MOV10: variants seen among roughly 807,000 people sequenced by gnomAD.
MOV10 encodes the protein Mov10 RNA helicase.
MOV10 carries 39 observed loss-of-function variants against 108.4 expected under a neutral mutation model. The observed-to-expected ratio is 0.36, with a 90% CI of 0.28 to 0.47. The LOEUF is 0.47. Ranked by LOEUF, MOV10 falls within the 20% of genes least tolerant of loss-of-function variation. The probability of loss-of-function intolerance (pLI) is 1.00; values close to 1 mark genes in which losing one functional copy is unlikely to be tolerated. For synonymous variants in MOV10, 490 were observed against 523.1 expected, an observed-to-expected ratio of 0.94 and a Z score of 0.86; for missense variants, 952 against 1,297.6, an observed-to-expected ratio of 0.73 and a Z score of 4.09.
In MOV10 at chr1:112,692,946, A is replaced by C. The variant is rs746101892; in HGVS notation, c.1140+17A>C. On this transcript the variant is annotated intron_variant, in intron 7 of 20. Coordinates refer to ENST00000369645, the MANE Select transcript of MOV10 (RefSeq NM_001321324.2). ...ACGCTGGAGGTCAGGGCTCAGATTG[A>C]GTGTGAGGAGGGTGGGCTCAAGCCA... 2 of 1,596,802 alleles carry C rather than the reference A, an allele frequency of 1.3e-6. No individual in the cohort carries two copies. Among genetic ancestry groups the C allele is most frequent in the Non-Finnish European group, 8.5e-7 (1 of 1,171,952 alleles).
chr1:112,693,788 T>C, intron 7 of MOV10: 1 of 423,438 alleles, frequency 2.4e-6, no homozygotes, highest in Non-Finnish European at 4.4e-6. Context: ...AGGCTCCGGG[T>C]TCCTGGGCTC....
chr1:112,699,559 G>GT, intron 17 of MOV10, 126 bp from the exon 18 acceptor site: 1 of 1,524,182 alleles, frequency 6.6e-7, no homozygotes, highest in Non-Finnish European at 8.8e-7. Context: ...CGCAGCACTG[G>GT]TTCACTCACT....
At chr1:112,689,227 C>A in intron 3 of MOV10, 89 bp downstream of exon 3, 2 of 1,393,330 alleles carry the variant, frequency 1.4e-6, no homozygotes, top group Non-Finnish European at 2.0e-6. Context: ...GTGGGTTACA[C>A]AAGTGGGAAT....
chr1:112,676,156 TG>T (rs1672185451), intron 2 of MOV10, among the ~76,000 whole-genome samples: 1 of 152,210 alleles, frequency 6.6e-6, no homozygotes, highest in African/African-American at 2.4e-5. Flanking sequence ...GATGAGGCCC[TG>T]TTTTATGTCA....
intron 15 of MOV10, 67 bp downstream of exon 15, chr1:112,698,178 T>C: frequency 6.3e-7 from 1 of 1,591,894 alleles, no homozygotes; most frequent in South Asian, 1.1e-5. Context: ...GTGCAGCCCC[T>C]CCCTTTGTCA....
chr1:112,700,331 T>A lies in MOV10; in HGVS notation c.2911T>A (p.Ser971Thr), dbSNP rs748304296. 6.2e-6 allele frequency: 10 copies of A among 1,614,092 alleles called. No homozygotes were observed. Residue 971 changes from serine to threonine, a missense_variant, in exon 20 of 21, where the codon TCT (serine) becomes ACT (threonine). Physicochemically the swap from Ser to Thr is moderately conservative, Grantham distance 58. This residue lies in a region of MOV10 where 65 missense variants were observed against 124.3 expected (regional missense o/e 0.52). Transcript: ENST00000369645. Reference protein sequence around the residue: ...LLQGLSKLSPSTSGPHSHDYL... With the variant: ...LLQGLSKLSPTTSGPHSHDYL... ...GCAAGGTCTGAGCAAGCTCAGCCCC[T>A]CTACCTCAGGTATGGCTGGGCCAGG...
chr1:112,692,072 G>C (rs1241287166), intron 6 of MOV10, among the ~76,000 whole-genome samples: 2 of 152,176 alleles, frequency 1.3e-5, no homozygotes, highest in Admixed American at 6.5e-5. Flanking sequence ...GCTCATGCCT[G>C]TAATCTCAGC....
In MOV10 at chr1:112,674,666, T is replaced by G; in HGVS notation, c.-129T>G. On this transcript the variant is annotated 5_prime_UTR_variant, in exon 1 of 21. Coordinates refer to ENST00000369645, the MANE Select transcript of MOV10 (RefSeq NM_001321324.2). ...GGCCCTGAGGGAGGGGTCAGACGCT[T>G]TAGGAAAGAGTTAATGCGAAGAGGG... The G allele has an allele frequency of 1.5e-5, 6 of 391,840 alleles. No individual in the cohort carries two copies. The highest frequency in any genetic ancestry group is 5.1e-5 in the East Asian group (1 of 19,746). 24.3% of individuals were successfully genotyped at this position (391,840 alleles called of 1,614,324 possible).
chr1:112,678,001 A>T lies in MOV10; in HGVS notation c.137+2952A>T, dbSNP rs560886461. Among the ~76,000 whole-genome samples the T allele has an allele frequency of 2.4e-4, 37 of 152,258 alleles. 1 individual carries two copies. In the Middle Eastern group the frequency reaches 0.017, roughly 70 times the overall value. Reference sequence around the variant, plus strand: ...AGAATATAATCTAGTAAAGAGCAGCAGATATGTGTAGACAAACAAATGCAA... The same window carrying T: ...AGAATATAATCTAGTAAAGAGCAGCTGATATGTGTAGACAAACAAATGCAA... On this transcript the variant is annotated intron_variant, in intron 2 of 20. Transcript: ENST00000369645.
intron 15 of MOV10, 52 bp from the exon 16 acceptor site, chr1:112,698,235 G>A (rs774159836): frequency 8.3e-5 from 133 of 1,601,666 alleles, no homozygotes; most frequent in Non-Finnish European, 1.1e-4. Flanking sequence ...GGGAAGGGAG[G>A]GAATAGAGGG....
intron 5 of MOV10, among the ~76,000 whole-genome samples, chr1:112,691,264 A>T (rs950397345): frequency 4.6e-5 from 7 of 152,200 alleles, no homozygotes; most frequent in Non-Finnish European, 8.8e-5. Flanking sequence ...CAGCCTGGGC[A>T]ACAGAGTGGG....
rs369591142 is a variant in MOV10, at chr1:112,679,623, G to A, written c.137+4574G>A. On this transcript the variant is annotated intron_variant, in intron 2 of 20. Transcript: ENST00000369645. Reference sequence around the variant, plus strand: ...TGTAGGGGTATGAAGCCAGAGGTAGGGAGAACAGTTAACTGGAACCTAGAA... The same window carrying A: ...TGTAGGGGTATGAAGCCAGAGGTAGAGAGAACAGTTAACTGGAACCTAGAA... 3.1e-3 allele frequency among the ~76,000 whole-genome samples: 464 copies of A among 152,014 alleles called. 7 individuals are homozygous for A. The highest frequency in any genetic ancestry group is 0.011 in the African/African-American group (436 of 41,366).
At chr1:112,680,726 T>A (rs1214125280) in intron 2 of MOV10, among the ~76,000 whole-genome samples, 273 of 144,024 alleles carry the variant, frequency 1.9e-3, no homozygotes, top group Non-Finnish European at 3.4e-3. Flanking sequence ...TTTTTTTTTT[T>A]AAATCTCTCT....
chr1:112,695,173 T>C (rs560900406), intron 10 of MOV10, among the ~76,000 whole-genome samples: 2 of 152,200 alleles, frequency 1.3e-5, no homozygotes, highest in South Asian at 4.1e-4. Context: ...TGCAGTGCGA[T>C]TGTGCCACTG....
Position 112,694,341 on chromosome 1 carries a change from A to G in MOV10, c.1296-112A>G. 5 of 1,471,766 alleles carry G rather than the reference A, an allele frequency of 3.4e-6. No homozygotes were observed. The highest frequency in any genetic ancestry group is 1.8e-5 in the Admixed American group (1 of 55,476). The allele number at this position is 1,471,766 out of a possible 1,614,324, so 91.2% of individuals were successfully genotyped here. A position where few individuals can be genotyped will look rare whatever the true frequency, so the allele number is the denominator to read the frequency against. On this transcript the variant is annotated intron_variant, in intron 8 of 20. Coordinates refer to ENST00000369645, the MANE Select transcript of MOV10 (RefSeq NM_001321324.2). The surrounding 1 kb of genome is among the most constrained non-coding windows in gnomAD (Gnocchi z 4.1). The stretch of plus-strand genomic sequence containing the variant: ...CAGCTTCCTCTTCTAGAGAACTTGC[A>G]TAGAGGTCTTGGAAAGAGGGGTTGG...
chr1:112,700,172 C>A lies in MOV10; in HGVS notation c.2799-47C>A, dbSNP rs377444858. ...AAGTACAGCTCAGATGGGACAGGAC[C>A]GTGGCTTAGCCTCCAGTCTCTGCTG... On this transcript the variant is annotated intron_variant, in intron 19 of 20. Coordinates refer to ENST00000369645, the MANE Select transcript of MOV10 (RefSeq NM_001321324.2). 5 of 1,612,988 alleles carry A rather than the reference C, an allele frequency of 3.1e-6. No homozygotes were observed. The East Asian group carries it at 1.1e-4, about 36-fold the overall frequency.
rs148870988 is a variant in MOV10 at position 112,691,723 on chromosome 1, C to T, written c.895C>T (p.Arg299Cys). The T allele has an allele frequency of 9.4e-5, 152 of 1,614,042 alleles. 1 individual carries two copies. Among genetic ancestry groups the T allele is most frequent in the Non-Finnish European group, 1.1e-4 (131 of 1,180,042 alleles). ...MALGTYYPPP[R>C]LRQLLPMLLQ... ...GCTGGGGACATACTACCCACCTCCC[C>T]GCCTCAGGCAGCTGCTCCCCATGCT... The change falls in exon 6 of 21, where the codon CGC (arginine) becomes TGC (cysteine). Residue 299 changes from arginine to cysteine, a missense_variant. Arg to Cys is a radical substitution (Grantham distance 180, BLOSUM62 -3). Coordinates refer to ENST00000369645, the MANE Select transcript of MOV10 (RefSeq NM_001321324.2).
rs780862930 is a variant in MOV10, at chr1:112,689,046, C to T, written c.249C>T (p.Ala83=). The change falls in exon 3 of 21, where the codon GCC becomes GCT. Residue 83 remains alanine, a synonymous_variant. Transcript: ENST00000369645. ...RVRFFRLDRW[A]DVRFPEKRRM... is the part of the protein sequence containing the mutation. The stretch of plus-strand genomic sequence containing the variant: ...GGTTCTTCAGACTCGACCGCTGGGC[C>T]GACGTGCGGTTCCCAGAAAAGAGGA... 47 of 1,612,586 alleles carry T rather than the reference C, an allele frequency of 2.9e-5. No homozygotes were observed. The highest frequency in any genetic ancestry group is 3.6e-5 in the Non-Finnish European group (43 of 1,180,024).
chr1:112,674,907 G>T lies in MOV10; in HGVS notation c.-6G>T, dbSNP rs777165343. 1.3e-6 allele frequency: 2 copies of T among 1,557,594 alleles called. No homozygotes were observed. The highest frequency in any genetic ancestry group is 1.7e-6 in the Non-Finnish European group (2 of 1,156,632). On this transcript the variant is annotated 5_prime_UTR_variant, in exon 2 of 21. Transcript: ENST00000369645. ...CCCTCCTGCCTGGGCCGCAGCCGCC[G>T]CCGCGATGCCCAGTAAGTTCAGCTG...
Sources: gnomAD v4.1 joint callset for allele counts (sites outside exome capture counted in the v4.1 genomes callset) on GRCh38, gnomAD v4.1.1 for gene constraint, gnomAD v4.1.1 regional missense constraint, Gnocchi (gnomAD v3.1) non-coding constraint, MANE v1.5 for transcripts, NCBI Gene and HGNC (gene_info 2026-07-23, HGNC 2026-07-21) for gene names.